The following PCDHA7 variants were observed in gnomAD, a reference collection of about 807,000 sequenced individuals.
PCDHA7 encodes the protein protocadherin alpha 7, also known as protocadherin alpha-7.
In PCDHA7, 37 loss-of-function variants were observed where a neutral mutation model predicts 57.2. That is an observed-to-expected ratio of 0.65 (90% CI 0.50 to 0.85). The LOEUF is 0.85. PCDHA7 is among the 40% of genes least tolerant of loss of function. PCDHA7 has a pLI of 0.00. For synonymous variants in PCDHA7, 553 were observed against 558.8 expected (o/e 0.99, Z 0.15); for missense variants, 1,188 against 1,241.8 (o/e 0.96, Z 0.65).
At chr5:140,848,823 G>C in intron 1 of PCDHA7, 1 of 1,590,794 alleles carries the variant, frequency 6.3e-7, no homozygotes, top group South Asian at 1.1e-5. Context: ...GGAGGTGATC[G>C]TAGACAGGCC....
chr5:140,888,628 T>C (rs2061913275), intron 1 of PCDHA7, among the ~76,000 whole-genome samples: 1 of 152,242 alleles, frequency 6.6e-6, no homozygotes, highest in Admixed American at 6.5e-5. Flanking sequence ...TTCGGCCTTC[T>C]ATTACAGCAA....
At chr5:140,863,676 C>A (rs1403210762) in intron 1 of PCDHA7, 1 of 292,478 alleles carries the variant, frequency 3.4e-6, no homozygotes, top group Non-Finnish European at 6.7e-6. Context: ...TTTGCTTTTG[C>A]TTTTTCTTTT....
intron 1 of PCDHA7, among the ~76,000 whole-genome samples, chr5:140,958,824 A>T (rs1008923744): frequency 8.5e-5 from 13 of 152,158 alleles, no homozygotes; most frequent in African/African-American, 3.1e-4. Context: ...TAATTTTTAT[A>T]TCTTAAAGTT....
chr5:140,844,580 A>G (rs1473112365), intron 1 of PCDHA7, among the ~76,000 whole-genome samples: 3 of 149,602 alleles, frequency 2.0e-5, no homozygotes, highest in African/African-American at 7.3e-5. Flanking sequence ...ATTCCACATT[A>G]AAGTGATATT....
chr5:140,886,268 A>C (rs1250080024), intron 1 of PCDHA7, among the ~76,000 whole-genome samples: 2 of 151,920 alleles, frequency 1.3e-5, no homozygotes, highest in Non-Finnish European at 2.9e-5. Flanking sequence ...TTATAGATAA[A>C]ATTTTTTAAA....
At chr5:140,932,538 T>C (rs538830618) in intron 1 of PCDHA7, among the ~76,000 whole-genome samples, 1 of 152,036 alleles carries the variant, frequency 6.6e-6, no homozygotes, top group South Asian at 2.1e-4. Context: ...CAAGGTGCTT[T>C]ATTTAACATA....
chr5:140,917,837 T>G (rs2078388052), intron 1 of PCDHA7, among the ~76,000 whole-genome samples: 1 of 152,174 alleles, frequency 6.6e-6, no homozygotes, highest in Non-Finnish European at 1.5e-5. Context: ...GATGTCCTTC[T>G]TGTTCTTTTT....
At chr5:140,862,329 T>C (rs1305735393) in intron 1 of PCDHA7, 1 of 327,554 alleles carries the variant, frequency 3.1e-6, no homozygotes, top group Non-Finnish European at 6.0e-6. Context: ...ATCAGTGTAA[T>C]TGACCCTAAC....
chr5:140,895,874 C>T (rs1051774060), intron 1 of PCDHA7, among the ~76,000 whole-genome samples: 5 of 152,120 alleles, frequency 3.3e-5, no homozygotes, highest in Admixed American at 2.6e-4. Context: ...TGCAATGGCG[C>T]GATCTCGGCT....
At chr5:140,957,386 T>C (rs1461790676) in intron 1 of PCDHA7, among the ~76,000 whole-genome samples, 1 of 152,226 alleles carries the variant, frequency 6.6e-6, no homozygotes, top group Non-Finnish European at 1.5e-5. Context: ...TGTATTGTTA[T>C]AATTGTCCTA....
chr5:140,934,580 T>C lies in PCDHA7; in HGVS notation c.2356-44369T>C, dbSNP rs531235009. 3.9e-5 allele frequency among the ~76,000 whole-genome samples: 6 copies of C among 152,296 alleles called. No individual in the cohort carries two copies. In the East Asian group the frequency reaches 1.2e-3, roughly 29 times the overall value. On this transcript the variant is annotated intron_variant, in intron 1 of 3. Transcript: ENST00000525929. ...CTTTTTTTTAATTAATTGTAACATT[T>C]CTGTAATGGGTCTTCAACTATTTGA...
chr5:140,984,458 C>T (rs1363789281), intron 3 of PCDHA7, among the ~76,000 whole-genome samples: 2 of 152,140 alleles, frequency 1.3e-5, no homozygotes, highest in African/African-American at 4.8e-5. Flanking sequence ...CTTACTGTCC[C>T]AGCCCCTCTT....
Position 140,843,022 on chromosome 5 carries a change from G to A in PCDHA7, c.2355+6284G>A, listed in dbSNP as rs1554139645. On this transcript the variant is annotated intron_variant, in intron 1 of 3. Transcript: ENST00000525929. Reference sequence around the variant, plus strand: ...ATGACAACGCGCCGGCACTGCTGGAGCCTCGGGTGGGTGGCACTGGTGGCG... The same window carrying A: ...ATGACAACGCGCCGGCACTGCTGGAACCTCGGGTGGGTGGCACTGGTGGCG... 15 of 1,595,022 alleles carry A rather than the reference G, an allele frequency of 9.4e-6. 1 individual carries two copies. The highest frequency in any genetic ancestry group is 1.2e-5 in the Non-Finnish European group (14 of 1,165,456).
intron 1 of PCDHA7, among the ~76,000 whole-genome samples, chr5:140,975,697 AT>A (rs1375810410): frequency 1.3e-5 from 2 of 152,182 alleles, no homozygotes; most frequent in African/African-American, 4.8e-5. Flanking sequence ...TTTTAAACTT[AT>A]TTTACTTTAA....
At chr5:140,965,973 G>A (rs1234636252) in intron 1 of PCDHA7, among the ~76,000 whole-genome samples, 6 of 152,194 alleles carry the variant, frequency 3.9e-5, no homozygotes, top group African/African-American at 1.4e-4. Flanking sequence ...TGCCCTAGGA[G>A]TTGAGCACTT....
At chr5:140,888,705 A>G (rs2061950008) in intron 1 of PCDHA7, among the ~76,000 whole-genome samples, 1 of 152,082 alleles carries the variant, frequency 6.6e-6, no homozygotes, top group South Asian at 2.1e-4. Context: ...ATTGGTAGGA[A>G]TGTGAAATAT....
chr5:140,921,777 C>T (rs1434211783), intron 1 of PCDHA7, among the ~76,000 whole-genome samples: 1 of 152,030 alleles, frequency 6.6e-6, no homozygotes, highest in African/African-American at 2.4e-5. Context: ...TCAATACTGA[C>T]TTGGATGTTC....
chr5:140,843,106 C>G lies in PCDHA7; in HGVS notation c.2355+6368C>G, dbSNP rs1265467066. The G allele has an allele frequency of 1.2e-5, 19 of 1,595,592 alleles. 3 individuals are homozygous for G. The highest frequency in any genetic ancestry group is 1.6e-5 in the Non-Finnish European group (19 of 1,165,474). ...CGGGCCACGTGGTAGCGAAGGTGCG[C>G]GCAGTGGACGCCGACTCGGGCTACA... is the stretch of plus-strand genomic sequence containing the variant. On this transcript the variant is annotated intron_variant, in intron 1 of 3. Transcript: ENST00000525929.
At position 141,010,080 on chromosome 5, in the gene PCDHA7, G is replaced by C. The variant is rs2098415967; in HGVS notation, c.*143G>C. On this transcript the variant is annotated 3_prime_UTR_variant, in exon 4 of 4. Transcript: ENST00000525929. The stretch of plus-strand genomic sequence containing the variant: ...AATCTGCAGAAAGTTCCCTGTGTCT[G>C]TCTAGAACGCATTTAACAGGTTTTG... 1 of 1,611,462 alleles carries C rather than the reference G, an allele frequency of 6.2e-7. No homozygotes were observed. The highest frequency in any genetic ancestry group is 1.1e-5 in the South Asian group (1 of 90,590).
Sources: gnomAD v4.1 joint callset for allele counts (sites outside exome capture counted in the v4.1 genomes callset) on GRCh38, gnomAD v4.1.1 for gene constraint, MANE v1.5 for transcripts, NCBI Gene and HGNC (gene_info 2026-07-23, HGNC 2026-07-21) for gene names.